The following GNG7 variants were observed in gnomAD, a reference collection of about 807,000 sequenced individuals.
GNG7 encodes G protein subunit gamma 7.
GNG7 carries 1 observed loss-of-function variant against 4.0 expected under a neutral mutation model. The observed-to-expected ratio is 0.25, with a 90% CI of 0.09 to 1.18. The LOEUF is 1.18. GNG7 is among the 50% of genes most tolerant of loss of function. GNG7 has a pLI of 0.50. For synonymous variants in GNG7, 34 were observed against 36.9 expected (o/e 0.92, Z 0.29); for missense variants, 86 against 91.9 (o/e 0.94, Z 0.26).
intron 1 of GNG7, among the ~76,000 whole-genome samples, chr19:2,661,231 GGAAAGAAAGAAAGAAAAGAAA>G (rs1983136901): frequency 1.0e-5 from 1 of 95,260 alleles, no homozygotes; most frequent in African/African-American, 4.1e-5. Context: ...AAAAAGAAAA[GGAAAGAAAGAAAGAAAAGAAA>G]GAAAGAAAGA....
chr19:2,686,219 G>A (rs1983867088), intron 1 of GNG7, among the ~76,000 whole-genome samples: 1 of 151,316 alleles, frequency 6.6e-6, no homozygotes, highest in Non-Finnish European at 1.5e-5. Flanking sequence ...GTGCAGTGGT[G>A]CGATCTCAGC....
intron 1 of GNG7, among the ~76,000 whole-genome samples, chr19:2,669,229 C>T (rs897268291): frequency 9.2e-5 from 14 of 152,192 alleles, no homozygotes; most frequent in Non-Finnish European, 1.9e-4. Flanking sequence ...CGGTGGCTCA[C>T]ACCTGCCATC....
intron 2 of GNG7, among the ~76,000 whole-genome samples, chr19:2,601,576 G>A (rs769958446): frequency 2.0e-5 from 3 of 152,122 alleles, no homozygotes; most frequent in Non-Finnish European, 4.4e-5. Context: ...AAGGGTAACA[G>A]AGCAATGCAA....
intron 2 of GNG7, among the ~76,000 whole-genome samples, chr19:2,601,905 A>G (rs749414401): frequency 5.9e-5 from 9 of 151,850 alleles, no homozygotes; most frequent in Non-Finnish European, 1.3e-4. Context: ...CTGTCTCAGA[A>G]AGAAGAAAAG....
chr19:2,699,620 T>C (rs892938173), intron 1 of GNG7, among the ~76,000 whole-genome samples: 4 of 152,176 alleles, frequency 2.6e-5, no homozygotes, highest in Non-Finnish European at 5.9e-5. Context: ...GTTTTGTCTA[T>C]AACAAGGGTT....
rs967289168 is a variant in GNG7, at chr19:2,626,040, G to A, written c.-78+20184C>T. ...TGACCTCAGGTGATCCACCCGCCTC[G>A]GCCTCCCAAAGTGCTGGGATGACAG... is the stretch of plus-strand genomic sequence containing the variant. On this transcript the variant is annotated intron_variant, in intron 2 of 4. Coordinates refer to ENST00000382159, the MANE Select transcript of GNG7 (RefSeq NM_052847.3). The surrounding 1 kb of genome is among the most constrained non-coding windows in gnomAD (Gnocchi z 5.0). Among the ~76,000 whole-genome samples, 7 of 152,058 alleles carry A rather than the reference G, an allele frequency of 4.6e-5. No homozygotes were observed. Among genetic ancestry groups the A allele is most frequent in the Non-Finnish European group, 8.8e-5 (6 of 68,000 alleles).
intron 2 of GNG7, among the ~76,000 whole-genome samples, chr19:2,566,777 G>A (rs1979922852): frequency 6.6e-6 from 1 of 152,078 alleles, no homozygotes; most frequent in Non-Finnish European, 1.5e-5. Context: ...CAATGAGTGG[G>A]CATGGTGGGT....
intron 1 of GNG7, among the ~76,000 whole-genome samples, chr19:2,695,074 G>A (rs957316075): frequency 2.0e-5 from 3 of 152,026 alleles, no homozygotes; most frequent in Admixed American, 6.5e-5. Context: ...TACTCTGGGA[G>A]GCTGAGGTGG....
chr19:2,532,108 G>A (rs541812462), intron 3 of GNG7, among the ~76,000 whole-genome samples: 5 of 148,274 alleles, frequency 3.4e-5, no homozygotes, highest in South Asian at 2.1e-4. Flanking sequence ...CTGAGATCAC[G>A]CCACTGCACT....
intron 2 of GNG7, among the ~76,000 whole-genome samples, chr19:2,563,359 C>T (rs1190076442): frequency 2.6e-5 from 4 of 152,184 alleles, no homozygotes; most frequent in African/African-American, 7.2e-5. Context: ...TGCTGAGCAG[C>T]GTCCCTGGCC....
chr19:2,646,942 C>G (rs12459239), intron 1 of GNG7, among the ~76,000 whole-genome samples: 29,975 of 152,066 alleles, frequency 0.2, 3,434 homozygotes, highest in East Asian at 0.5. Flanking sequence ...CCCAACGTAT[C>G]CAGGTCTGCC....
At chr19:2,556,996 C>T (rs1979565773) in intron 2 of GNG7, among the ~76,000 whole-genome samples, 1 of 150,634 alleles carries the variant, frequency 6.6e-6, no homozygotes, top group African/African-American at 2.4e-5. Flanking sequence ...AGGGGGGCTG[C>T]CTCCCCTCCC....
chr19:2,623,853 C>T (rs1340583261), intron 2 of GNG7, among the ~76,000 whole-genome samples: 1 of 152,160 alleles, frequency 6.6e-6, no homozygotes, highest in Non-Finnish European at 1.5e-5. Flanking sequence ...TGCACTCCAG[C>T]CTGGGCCACA....
At chr19:2,522,796 C>A (rs1444142261) in intron 3 of GNG7, among the ~76,000 whole-genome samples, 1 of 147,100 alleles carries the variant, frequency 6.8e-6, no homozygotes, top group African/African-American at 2.5e-5. Context: ...AAGGACCATC[C>A]ATGCATACCA....
chr19:2,602,392 C>CA (rs1981227595), intron 2 of GNG7, among the ~76,000 whole-genome samples: 1 of 152,246 alleles, frequency 6.6e-6, no homozygotes, highest in African/African-American at 2.4e-5. Context: ...GCGTCCTCTG[C>CA]AGGCCCTGGC....
At position 2,557,648 on chromosome 19, in the gene GNG7, C is replaced by T. The variant is rs1294070120; in HGVS notation, c.-77-2460G>A. 2.6e-5 allele frequency among the ~76,000 whole-genome samples: 4 copies of T among 152,202 alleles called. No individual in the cohort carries two copies. In the East Asian group the frequency reaches 7.7e-4, roughly 29 times the overall value. On this transcript the variant is annotated intron_variant, in intron 2 of 4. Transcript: ENST00000382159. This position sits in a 1 kb window ranked among gnomAD's most constrained non-coding sequence, Gnocchi z 5.1. ...TGAGTCAAAGTGCGATGTGCCCAGG[C>T]CAGCCCGGTGTGACCTCAGCTCCTG...
intron 2 of GNG7, among the ~76,000 whole-genome samples, chr19:2,583,151 G>A (rs1403009001): frequency 6.6e-6 from 1 of 152,066 alleles, no homozygotes; most frequent in East Asian, 1.9e-4. Flanking sequence ...TCCAGGGATG[G>A]TCAAGTTGTG....
intron 2 of GNG7, among the ~76,000 whole-genome samples, chr19:2,645,115 C>T (rs1483847754): frequency 2.6e-5 from 4 of 152,176 alleles, no homozygotes; most frequent in Non-Finnish European, 5.9e-5. Flanking sequence ...ACCTGTAATC[C>T]TGGCACTTTG....
chr19:2,558,804 T>G (rs564904040), intron 2 of GNG7, among the ~76,000 whole-genome samples: 11 of 151,804 alleles, frequency 7.2e-5, no homozygotes, highest in African/African-American at 2.7e-4. Flanking sequence ...TTTTATTTAT[T>G]TATTATTTTT....
Sources: gnomAD v4.1 joint callset for allele counts (sites outside exome capture counted in the v4.1 genomes callset) on GRCh38, gnomAD v4.1.1 for gene constraint, Gnocchi (gnomAD v3.1) non-coding constraint, MANE v1.5 for transcripts, NCBI Gene and HGNC (gene_info 2026-07-23, HGNC 2026-07-21) for gene names.